The following MOCOS variants were observed in gnomAD, a reference collection of about 807,000 sequenced individuals.
MOCOS encodes molybdenum cofactor sulfurase, also known as human molybdenum cofactor sulfurase.
MOCOS carries 86 observed loss-of-function variants against 83.6 expected under a neutral mutation model. The ratio of observed to expected loss-of-function variants is 1.03; its 90% CI spans 0.86 to 1.23. The LOEUF is 1.23. Among genes scored for constraint, MOCOS ranks in the 50% most tolerant of loss-of-function variants. The pLI is 0.00. For synonymous variants in MOCOS, 445 were observed against 434.7 expected (o/e 1.02, Z -0.29); for missense variants, 1,120 against 1,126.9 (o/e 0.99, Z 0.09).
In MOCOS at chr18:36,197,899, C is replaced by T. The variant is rs538395702; in HGVS notation, c.233-791C>T. 2.0e-5 allele frequency among the ~76,000 whole-genome samples: 3 copies of T among 152,334 alleles called. No homozygotes were observed. In the East Asian group the frequency reaches 5.8e-4, roughly 29 times the overall value. ...AAAAGATCCTTCATGCCCATTACAG[C>T]TAATCCTTGTTGCTGACCTTACCCC... On this transcript the variant is annotated intron_variant, in intron 2 of 14. Coordinates refer to ENST00000261326, the MANE Select transcript of MOCOS (RefSeq NM_017947.4).
intron 9 of MOCOS, among the ~76,000 whole-genome samples, chr18:36,233,933 T>C (rs1568060823): frequency 6.6e-6 from 1 of 152,162 alleles, no homozygotes; most frequent in African/African-American, 2.4e-5. Context: ...TTCTGGATAT[T>C]AGTCCTTCGT....
intron 4 of MOCOS, 87 bp from the exon 5 acceptor site, chr18:36,203,026 A>C: frequency 7.5e-7 from 1 of 1,325,686 alleles, no homozygotes; most frequent in Non-Finnish European, 1.1e-6. Context: ...AGCTAAGCCT[A>C]AAATCTAAAG....
intron 13 of MOCOS, among the ~76,000 whole-genome samples, chr18:36,263,934 TG>T (rs1250274226): frequency 6.6e-6 from 1 of 152,128 alleles, no homozygotes; most frequent in Non-Finnish European, 1.5e-5. Flanking sequence ...CCCAGCACTT[TG>T]GGAGACTGAG....
intron 11 of MOCOS, among the ~76,000 whole-genome samples, chr18:36,251,747 A>G (rs1290729918): frequency 4.6e-5 from 7 of 152,110 alleles, no homozygotes; most frequent in African/African-American, 1.7e-4. Flanking sequence ...AAGTTTCCAC[A>G]ATTTTTCCCA....
intron 6 of MOCOS, among the ~76,000 whole-genome samples, chr18:36,205,963 C>T (rs1465539943): frequency 2.0e-5 from 3 of 152,182 alleles, no homozygotes; most frequent in African/African-American, 7.2e-5. Flanking sequence ...TGGTCTCAAA[C>T]TCCTGACCTC....
chr18:36,230,500 T>C (rs1035443297), intron 9 of MOCOS, among the ~76,000 whole-genome samples: 1 of 152,184 alleles, frequency 6.6e-6, no homozygotes, highest in Admixed American at 6.5e-5. Flanking sequence ...CTACCAACTC[T>C]TTCGTCCCTT....
chr18:36,265,535 A>G (rs1568071482), intron 13 of MOCOS, among the ~76,000 whole-genome samples: 1 of 152,206 alleles, frequency 6.6e-6, no homozygotes, highest in Non-Finnish European at 1.5e-5. Context: ...ATGAGAAAAT[A>G]GTTTTAAGAA....
At chr18:36,230,102 T>C (rs1237830072) in intron 9 of MOCOS, among the ~76,000 whole-genome samples, 1 of 152,100 alleles carries the variant, frequency 6.6e-6, no homozygotes, top group Admixed American at 6.6e-5. Flanking sequence ...TTTCTTTGTT[T>C]CAAGACATCT....
Position 36,203,197 on chromosome 18 carries a change from G to C in MOCOS, c.1018+8G>C, listed in dbSNP as rs1467010769. The C allele has an allele frequency of 6.2e-7, 1 of 1,612,474 alleles. No homozygotes were observed. The highest frequency in any genetic ancestry group is 1.7e-5 in the Admixed American group (1 of 60,012). On this transcript the variant is annotated splice_region_variant and intron_variant, in intron 5 of 14. Coordinates refer to ENST00000261326, the MANE Select transcript of MOCOS (RefSeq NM_017947.4). ...CCCTAGAGCGCCTCACAGGTCAGTG[G>C]ACATTTCTATCCCTGTGGAATTTGC...
chr18:36,200,005 G>A lies in MOCOS; in HGVS notation c.622G>A (p.Gly208Arg), dbSNP rs1196561730. The change falls in exon 4 of 15, where the codon GGA becomes AGA. Residue 208 changes from glycine to arginine, a missense_variant. Coordinates refer to ENST00000261326, the MANE Select transcript of MOCOS (RefSeq NM_017947.4). ...FCYPAQSNFS[G>R]VRYPLSWIEE... ...CTACCCAGCTCAGAGTAACTTTTCTGGAGTCAGATACCCCCTGTCCTGGAT... is the reference window on the plus strand; with the variant it reads ...CTACCCAGCTCAGAGTAACTTTTCTAGAGTCAGATACCCCCTGTCCTGGAT... 1 of 1,614,254 alleles carries A rather than the reference G, an allele frequency of 6.2e-7. No homozygotes were observed. Among genetic ancestry groups the A allele is most frequent in the South Asian group, 1.1e-5 (1 of 91,086 alleles).
intron 9 of MOCOS, among the ~76,000 whole-genome samples, chr18:36,242,142 A>G (rs1021797085): frequency 1.3e-5 from 2 of 152,200 alleles, no homozygotes; most frequent in East Asian, 1.9e-4. Context: ...TTTCTGTAGC[A>G]CAGACTGTGA....
chr18:36,230,046 C>T (rs2091532182), intron 9 of MOCOS, among the ~76,000 whole-genome samples: 1 of 152,056 alleles, frequency 6.6e-6, no homozygotes, highest in South Asian at 2.1e-4. Context: ...CCTGATTCTT[C>T]ATTTTCCTCA....
At chr18:36,244,154 TTC>T (rs1308956391) in intron 9 of MOCOS, among the ~76,000 whole-genome samples, 6 of 152,170 alleles carry the variant, frequency 3.9e-5, no homozygotes, top group African/African-American at 1.4e-4. Flanking sequence ...TTCTTTTTTT[TTC>T]TGTTTGGTTT....
At position 36,268,880 on chromosome 18, in the gene MOCOS, C is replaced by A. The variant is rs2091690460; in HGVS notation, c.*195C>A. The A allele has an allele frequency of 1.7e-6, 1 of 605,224 alleles. No homozygotes were observed. The highest frequency in any genetic ancestry group is 2.9e-6 in the Non-Finnish European group (1 of 343,542). 37.5% of individuals were successfully genotyped at this position (605,224 alleles called of 1,614,324 possible). On this transcript the variant is annotated 3_prime_UTR_variant, in exon 15 of 15. Transcript: ENST00000261326. Reference sequence around the variant, plus strand: ...TTTGCACTGGCTGTGCTCAGGAGAGCACTTCTGAGGCCTCAGGAACGAATG... The same window carrying A: ...TTTGCACTGGCTGTGCTCAGGAGAGAACTTCTGAGGCCTCAGGAACGAATG...
At chr18:36,209,375 T>C (rs2091445969) in intron 6 of MOCOS, among the ~76,000 whole-genome samples, 1 of 151,952 alleles carries the variant, frequency 6.6e-6, no homozygotes, top group Non-Finnish European at 1.5e-5. Flanking sequence ...ATTGTACAGG[T>C]GGTTTTTGGT....
At chr18:36,267,755 T>C (rs902488113) in intron 14 of MOCOS, among the ~76,000 whole-genome samples, 1 of 152,182 alleles carries the variant, frequency 6.6e-6, no homozygotes, top group African/African-American at 2.4e-5. Context: ...AATACAATAC[T>C]AAGGTCCATG....
At chr18:36,265,740 G>GATATATAT (rs35832849) in intron 13 of MOCOS, among the ~76,000 whole-genome samples, 13 of 149,454 alleles carry the variant, frequency 8.7e-5, no homozygotes, top group African/African-American at 2.9e-4. Flanking sequence ...GGTACGTATG[G>GATATATAT]ATATATATAT....
rs2091695971 is a variant in MOCOS, at chr18:36,270,576, G to A, written c.*1891G>A. 1 of 152,066 alleles carries A rather than the reference G, an allele frequency of 6.6e-6. No individual in the cohort carries two copies. Among genetic ancestry groups the A allele is most frequent in the Admixed American group, 6.6e-5 (1 of 15,252 alleles). 9.4% of individuals were successfully genotyped at this position (152,066 alleles called of 1,614,324 possible). A position where few individuals can be genotyped will look rare whatever the true frequency, so the allele number is the denominator to read the frequency against. ...AAAATACAAAAAATTAGCTGGGCATGGTGGCATGCACCTGTAGTCCCAGCT... is the reference window on the plus strand; with the variant it reads ...AAAATACAAAAAATTAGCTGGGCATAGTGGCATGCACCTGTAGTCCCAGCT... On this transcript the variant is annotated 3_prime_UTR_variant, in exon 15 of 15. Transcript: ENST00000261326.
At chr18:36,219,113 C>T (rs563065444) in intron 8 of MOCOS, among the ~76,000 whole-genome samples, 69 of 150,874 alleles carry the variant, frequency 4.6e-4, no homozygotes, top group African/African-American at 1.3e-3. Flanking sequence ...GTGATCTGCC[C>T]GCCTCAGTCT....
Sources: allele counts gnomAD v4.1 joint callset (sites outside exome capture counted in the v4.1 genomes callset), GRCh38; gene constraint gnomAD v4.1.1; transcripts MANE v1.5; gene names NCBI Gene and HGNC (gene_info 2026-07-23, HGNC 2026-07-21).